The following NINJ2 variants were observed in gnomAD, a reference collection of about 807,000 sequenced individuals.
NINJ2 encodes the protein ninjurin-2.
NINJ2 carries 12 observed loss-of-function variants against 11.7 expected under a neutral mutation model. The ratio of observed to expected loss-of-function variants is 1.02; its 90% CI spans 0.66 to 1.66. NINJ2 has a LOEUF of 1.66. Among genes scored for constraint, NINJ2 ranks in the 40% most tolerant of loss-of-function variants. NINJ2 has a pLI of 0.00. For synonymous variants in NINJ2, 93 were observed against 76.8 expected, an observed-to-expected ratio of 1.21 and a Z score of -1.10; for missense variants, 187 against 181.8, an observed-to-expected ratio of 1.03 and a Z score of -0.16.
chr12:635,534 A>G (rs1212990486), intron 1 of NINJ2, among the ~76,000 whole-genome samples: 2 of 152,250 alleles, frequency 1.3e-5, no homozygotes, highest in East Asian at 1.9e-4. Flanking sequence ...CCCACATACA[A>G]AAGAATGAAA....
In NINJ2 at chr12:614,160, G is replaced by T. The variant is rs901381903; in HGVS notation, c.34-47982C>A. On this transcript the variant is annotated intron_variant, in intron 1 of 3. Coordinates refer to ENST00000305108, the MANE Select transcript of NINJ2 (RefSeq NM_016533.6). This position sits in a 1 kb window ranked among gnomAD's most constrained non-coding sequence, Gnocchi z 5.1. ...CGATGTCCTACTGCCTCCTAAAGAAGACCATCCTTAGCGATGGTTGCTGCC... is the reference window on the plus strand; with the variant it reads ...CGATGTCCTACTGCCTCCTAAAGAATACCATCCTTAGCGATGGTTGCTGCC... 1.3e-5 allele frequency among the ~76,000 whole-genome samples: 2 copies of T among 152,142 alleles called. No homozygotes were observed. Among genetic ancestry groups the T allele is most frequent in the African/African-American group, 4.8e-5 (2 of 41,436 alleles).
chr12:626,350 G>A (rs1303489131), intron 1 of NINJ2, among the ~76,000 whole-genome samples: 1 of 152,234 alleles, frequency 6.6e-6, no homozygotes, highest in Non-Finnish European at 1.5e-5. Context: ...AGGAGGTAGT[G>A]GGAGCTAAGA....
intron 1 of NINJ2, among the ~76,000 whole-genome samples, chr12:618,784 G>C (rs1349958456): frequency 6.6e-6 from 1 of 152,192 alleles, no homozygotes; most frequent in African/African-American, 2.4e-5. Flanking sequence ...AAACACACTT[G>C]GTTACCGGGA....
chr12:607,350 G>T (rs1441150507), intron 1 of NINJ2, among the ~76,000 whole-genome samples: 3 of 62,292 alleles, frequency 4.8e-5, no homozygotes, highest in Non-Finnish European at 9.1e-5. Flanking sequence ...TACTCTGTAA[G>T]GGATGATGAT....
rs1032016370 is a variant in NINJ2 at position 577,438 on chromosome 12, T to A, written c.34-11260A>T. Among the ~76,000 whole-genome samples, 7 of 141,002 alleles carry A rather than the reference T, an allele frequency of 5.0e-5. 1 individual carries two copies. The South Asian group carries it at 8.8e-4, about 18-fold the overall frequency. The allele number at this position is 141,002 out of a possible 152,430, so 92.5% of individuals were successfully genotyped here. ...TCTCATATATATATATACATATATA[T>A]ATATAAATATTTTGGCACGATCTTG... On this transcript the variant is annotated intron_variant, in intron 1 of 3. Coordinates refer to ENST00000305108, the MANE Select transcript of NINJ2 (RefSeq NM_016533.6).
intron 1 of NINJ2, among the ~76,000 whole-genome samples, chr12:652,727 C>A (rs899224357): frequency 6.6e-6 from 1 of 151,882 alleles, no homozygotes; most frequent in Admixed American, 6.6e-5. Context: ...GTGGGCAGAT[C>A]ACTTGAGGTC....
At chr12:643,842 T>C (rs1413264177) in intron 1 of NINJ2, 7 of 211,062 alleles carry the variant, frequency 3.3e-5, no homozygotes, top group Non-Finnish European at 5.8e-5. Flanking sequence ...GCTCAGGTCT[T>C]AGATGACACT....
At chr12:613,939 AATT>A (rs1948063202) in intron 1 of NINJ2, among the ~76,000 whole-genome samples, 2 of 152,092 alleles carry the variant, frequency 1.3e-5, no homozygotes, top group South Asian at 4.2e-4. Context: ...TAAATAAATT[AATT>A]AATTAATTAA....
chr12:649,150 G>A (rs1255285576), intron 1 of NINJ2, among the ~76,000 whole-genome samples: 1 of 151,796 alleles, frequency 6.6e-6, no homozygotes, highest in Non-Finnish European at 1.5e-5. Flanking sequence ...GGGTTCAAGT[G>A]ATTCTCCTGC....
chr12:662,226 G>A (rs1259895954), intron 1 of NINJ2, among the ~76,000 whole-genome samples: 4 of 152,198 alleles, frequency 2.6e-5, no homozygotes, highest in South Asian at 4.1e-4. Flanking sequence ...CGGTGGGACC[G>A]CTCTCGGGGC....
At chr12:610,477 A>T (rs1948014122) in intron 1 of NINJ2, 2 of 1,531,968 alleles carry the variant, frequency 1.3e-6, no homozygotes, top group Admixed American at 3.9e-5. Flanking sequence ...GAAAAGGGTC[A>T]GCGAGCACAG....
chr12:600,653 GGTGTGTGT>G (rs58255968), intron 1 of NINJ2, among the ~76,000 whole-genome samples: 2,566 of 142,006 alleles, frequency 0.018, 42 homozygotes, highest in East Asian at 0.066. Context: ...ATTTTTTTGG[GGTGTGTGT>G]GTGTGTGTGT....
At chr12:647,848 A>T (rs1054256356) in intron 1 of NINJ2, among the ~76,000 whole-genome samples, 1 of 152,146 alleles carries the variant, frequency 6.6e-6, no homozygotes, top group Non-Finnish European at 1.5e-5. Context: ...CAGGGACCAC[A>T]TTTGAAAACC....
At chr12:613,248 G>T (rs1314684731) in intron 1 of NINJ2, among the ~76,000 whole-genome samples, 3 of 152,206 alleles carry the variant, frequency 2.0e-5, no homozygotes, top group Admixed American at 6.5e-5. Context: ...TAAGAAAAAT[G>T]AAAATGTATC....
At chr12:600,633 G>A (rs1009704423) in intron 1 of NINJ2, among the ~76,000 whole-genome samples, 11 of 151,584 alleles carry the variant, frequency 7.3e-5, no homozygotes, top group East Asian at 3.9e-4. Context: ...ATGGCAAGGC[G>A]GGTGGCAGAA....
chr12:631,021 A>C (rs1948274527), intron 1 of NINJ2: 1 of 152,290 alleles, frequency 6.6e-6, no homozygotes, highest in African/African-American at 2.4e-5. Flanking sequence ...GAGGGGAAGG[A>C]GGAGAGTCAG....
chr12:626,756 A>G (rs930106146), intron 1 of NINJ2, among the ~76,000 whole-genome samples: 1 of 152,158 alleles, frequency 6.6e-6, no homozygotes, highest in East Asian at 1.9e-4. Context: ...AATAATAATA[A>G]TAGTATCTAC....
intron 1 of NINJ2, among the ~76,000 whole-genome samples, chr12:569,461 C>A (rs986137894): frequency 1.3e-5 from 2 of 152,212 alleles, no homozygotes; most frequent in Non-Finnish European, 2.9e-5. Context: ...CTGTGCCACC[C>A]CTCCTGTCTC....
chr12:627,859 C>T lies in NINJ2; in HGVS notation c.33+35469G>A, dbSNP rs534724051. Among the ~76,000 whole-genome samples, 95 of 152,294 alleles carry T rather than the reference C, an allele frequency of 6.2e-4. 1 individual carries two copies. In the South Asian group the frequency reaches 6.4e-3, roughly 10 times the overall value. ...CTTGCGTGCCTGAGGCAGGAGAACC[C>T]GGGAAGTGGAGGTTGCAGTGAGCTG... On this transcript the variant is annotated intron_variant, in intron 1 of 3. Transcript: ENST00000305108.
Sources: allele counts gnomAD v4.1 joint callset (sites outside exome capture counted in the v4.1 genomes callset), GRCh38; gene constraint gnomAD v4.1.1; non-coding constraint Gnocchi (gnomAD v3.1); transcripts MANE v1.5; gene names NCBI Gene and HGNC (gene_info 2026-07-23, HGNC 2026-07-21).